The following CDH3 variants were observed in gnomAD, a reference collection of about 807,000 sequenced individuals.
The protein encoded by CDH3 is cadherin 3.
Under a neutral mutation model 82.0 loss-of-function variants are expected in CDH3, and 54 were observed. That is an observed-to-expected ratio of 0.66 (90% CI 0.53 to 0.83). The LOEUF (loss-of-function observed/expected upper bound fraction) is 0.83, where lower values mean the gene tolerates loss of function less well. Among genes scored for constraint, CDH3 ranks in the 40% least tolerant of loss-of-function variants. CDH3 has a pLI of 0.00. For missense variants in CDH3, 1,054 were observed against 1,084.6 expected, an observed-to-expected ratio of 0.97 and a Z score of 0.40; for synonymous variants, 446 against 437.9, an observed-to-expected ratio of 1.02 and a Z score of -0.23.
rs1215970528 is a variant in CDH3 at position 68,707,561 on chromosome 16, T to A, written c.99+11638T>A. Among the ~76,000 whole-genome samples, 2 of 152,082 alleles carry A rather than the reference T, an allele frequency of 1.3e-5. No homozygotes were observed. Among genetic ancestry groups the A allele is most frequent in the East Asian group, 3.9e-4 (2 of 5,180 alleles). ...GCCTGTCTGAGAGCGCCCTGTAGTCTGGTAGGGCGGTGGCTAAGACAGCAG... is the reference window on the plus strand; with the variant it reads ...GCCTGTCTGAGAGCGCCCTGTAGTCAGGTAGGGCGGTGGCTAAGACAGCAG... On this transcript the variant is annotated intron_variant, in intron 1 of 2. Coordinates refer to the CDH3 transcript ENST00000569080. This position sits in a 1 kb window ranked among gnomAD's most constrained non-coding sequence, Gnocchi z 4.5.
At position 68,695,465 on chromosome 16, in the gene CDH3, C is replaced by G. The variant is rs540189905; in HGVS notation, c.2133+80C>G. The G allele has an allele frequency of 5.6e-6, 8 of 1,432,654 alleles. No homozygotes were observed. The South Asian group carries it at 7.4e-5, about 13-fold the overall frequency. The allele number at this position is 1,432,654 out of a possible 1,614,324, so 88.7% of individuals were successfully genotyped here. On this transcript the variant is annotated intron_variant, in intron 14 of 15. Coordinates refer to ENST00000264012, the MANE Select transcript of CDH3 (RefSeq NM_001793.6). ...AGGGCTGTTGGGTCAACCAACTGAC[C>G]AAGTTAGCTGTGTTGACCAGGCCCT...
At chr16:68,686,624 C>T (rs1961420507) in intron 11 of CDH3, 2 of 1,089,006 alleles carry the variant, frequency 1.8e-6, no homozygotes, top group Admixed American at 1.7e-5. Context: ...CAAAGTAGTT[C>T]TAGATGACAA....
Position 68,658,840 on chromosome 16 carries a change from T to A in CDH3, c.160+13090T>A, listed in dbSNP as rs574523971. ...TTTATCCCTGCTTTTGGCCTCTGAG[T>A]CAGTAGTTTGCAAGCTTGGCTGGTG... On this transcript the variant is annotated intron_variant, in intron 2 of 15. Coordinates refer to ENST00000264012, the MANE Select transcript of CDH3 (RefSeq NM_001793.6). Among the ~76,000 whole-genome samples, 14 of 152,288 alleles carry A rather than the reference T, an allele frequency of 9.2e-5. No individual in the cohort carries two copies. In the Middle Eastern group the frequency reaches 0.01, roughly 111 times the overall value.
At position 68,691,757 on chromosome 16, in the gene CDH3, G is replaced by A. The variant is rs1285754354; in HGVS notation, c.1833G>A (p.Lys611=). The change falls in exon 13 of 16, where the codon AAG becomes AAA. Residue 611 remains lysine, a synonymous_variant. Transcript: ENST00000264012. ...TVVLSLKKFL[K]QDTYDVHLSL... is the part of the protein sequence containing the mutation. ...TCTTGTCCCTGAAGAAGTTCCTGAAGCAGGATACATATGACGTGCACCTTT... is the reference window on the plus strand; with the variant it reads ...TCTTGTCCCTGAAGAAGTTCCTGAAACAGGATACATATGACGTGCACCTTT... 8 of 1,614,058 alleles carry A rather than the reference G, an allele frequency of 5.0e-6. No individual in the cohort carries two copies. Among genetic ancestry groups the A allele is most frequent in the Non-Finnish European group, 6.8e-6 (8 of 1,180,036 alleles).
intron 13 of CDH3, among the ~76,000 whole-genome samples, chr16:68,692,550 C>G (rs542464573): frequency 6.6e-6 from 1 of 152,178 alleles, no homozygotes; most frequent in Non-Finnish European, 1.5e-5. Flanking sequence ...AAGGCAATTT[C>G]TCAGGCCCTG....
chr16:68,724,708 GAATA>G (rs943897990), intron 2 of CDH3, among the ~76,000 whole-genome samples: 7 of 152,022 alleles, frequency 4.6e-5, no homozygotes, highest in African/African-American at 1.7e-4. Flanking sequence ...TGTGATACAT[GAATA>G]AATAAATGGT....
intron 15 of CDH3, chr16:68,696,161 C>T (rs1961716460): frequency 1.9e-6 from 1 of 532,644 alleles, no homozygotes; most frequent in Non-Finnish European, 3.5e-6. Context: ...TGCCTCACGC[C>T]TGTAATCTGA....
downstream of CDH3, among the ~76,000 whole-genome samples, chr16:68,727,514 G>A (rs971859860): frequency 3.3e-5 from 5 of 152,052 alleles, no homozygotes; most frequent in African/African-American, 1.2e-4. Context: ...AAATGGTCAC[G>A]CCTGTAGACC....
chr16:68,688,948 C>T (rs1961489690), intron 12 of CDH3, among the ~76,000 whole-genome samples: 2 of 152,180 alleles, frequency 1.3e-5, no homozygotes, highest in Admixed American at 6.5e-5. Context: ...GGCAGTCTCA[C>T]TCACCATGGT....
chr16:68,645,782 G>A (rs1960040797), intron 2 of CDH3, 32 bp downstream of exon 2: 1 of 1,491,646 alleles, frequency 6.7e-7, no homozygotes, highest in East Asian at 2.5e-5. Flanking sequence ...CGCAGGGTAG[G>A]GGCCGCACGT....
chr16:68,714,939 G>C (rs139370086), intron 1 of CDH3, among the ~76,000 whole-genome samples: 4 of 151,978 alleles, frequency 2.6e-5, no homozygotes, highest in South Asian at 4.2e-4. Context: ...CCAGGAGTTT[G>C]AGGCTGGCAG....
At chr16:68,656,110 G>A (rs911689753) in intron 2 of CDH3, among the ~76,000 whole-genome samples, 1 of 152,150 alleles carries the variant, frequency 6.6e-6, no homozygotes, top group African/African-American at 2.4e-5. Flanking sequence ...GTGAGGTGGG[G>A]AGAGCCAGTG....
chr16:68,686,654 G>T, intron 11 of CDH3: 1 of 861,226 alleles, frequency 1.2e-6, no homozygotes, highest in South Asian at 1.3e-5. Context: ...CCTATTTAGG[G>T]ATGGTGACAT....
intron 2 of CDH3, among the ~76,000 whole-genome samples, chr16:68,654,764 G>T (rs1960368864): frequency 6.8e-6 from 1 of 147,528 alleles, no homozygotes; most frequent in Non-Finnish European, 1.5e-5. Context: ...CGGCCGGCAT[G>T]ATGGCTCACA....
In CDH3 at chr16:68,707,432, G is replaced by A. The variant is rs567086218; in HGVS notation, c.99+11509G>A. Among the ~76,000 whole-genome samples the A allele has an allele frequency of 6.6e-6, 1 of 152,340 alleles. No individual in the cohort carries two copies. Among genetic ancestry groups the A allele is most frequent in the East Asian group, 1.9e-4 (1 of 5,178 alleles). On this transcript the variant is annotated intron_variant, in intron 1 of 2. Transcript: ENST00000569080. The surrounding 1 kb of genome is among the most constrained non-coding windows in gnomAD (Gnocchi z 4.5). ...GGCAGAACCTGGTTCCTCCTCTGCT[G>A]TATCCTCAGTCCCTGAGGATGCGGC...
chr16:68,715,362 G>A (rs535897815), intron 1 of CDH3, among the ~76,000 whole-genome samples: 1 of 151,672 alleles, frequency 6.6e-6, no homozygotes, highest in South Asian at 2.1e-4. Flanking sequence ...GGGAGACGGA[G>A]GTTGCAGTGA....
At chr16:68,705,824 G>A (rs1277058364) in intron 1 of CDH3, among the ~76,000 whole-genome samples, 3 of 151,602 alleles carry the variant, frequency 2.0e-5, no homozygotes, top group African/African-American at 7.3e-5. Flanking sequence ...CCAGCACTTT[G>A]GGAGGCCAAG....
chr16:68,666,183 A>G (rs955283511), intron 2 of CDH3, among the ~76,000 whole-genome samples: 1 of 151,672 alleles, frequency 6.6e-6, no homozygotes, highest in Non-Finnish European at 1.5e-5. Flanking sequence ...GCTGGGTCAG[A>G]GAAGGGCTGC....
chr16:68,696,967 G>A (rs1049153204), intron 15 of CDH3: 10 of 151,248 alleles, frequency 6.6e-5, no homozygotes, highest in African/African-American at 2.4e-4. Flanking sequence ...CTCTTACATA[G>A]GCTTGAATGT....
Sources: gnomAD v4.1 joint callset for allele counts (sites outside exome capture counted in the v4.1 genomes callset) on GRCh38, gnomAD v4.1.1 for gene constraint, Gnocchi (gnomAD v3.1) non-coding constraint, MANE v1.5 for transcripts, NCBI Gene and HGNC (gene_info 2026-07-23, HGNC 2026-07-21) for gene names.